The following CTCF variants were observed in gnomAD, a reference collection of about 807,000 sequenced individuals.
CTCF encodes the protein CCCTC-binding factor.
CTCF carries 7 observed loss-of-function variants against 72.3 expected under a neutral mutation model. That is an observed-to-expected ratio of 0.10 (90% CI 0.06 to 0.18). The LOEUF (loss-of-function observed/expected upper bound fraction) is 0.18, where lower values mean the gene tolerates loss of function less well. CTCF is among the 10% of genes least tolerant of loss of function. The pLI is 1.00. For synonymous variants in CTCF, 374 were observed against 315.8 expected (o/e 1.18, Z -1.95); for missense variants, 516 against 949.1 (o/e 0.54, Z 6.00).
At chr16:67,604,023 G>A (rs1489985172) in intron 2 of CTCF, among the ~76,000 whole-genome samples, 2 of 150,596 alleles carry the variant, frequency 1.3e-5, no homozygotes, top group African/African-American at 2.4e-5. Context: ...CCAGCTACTC[G>A]GGAGGCTGAG....
intron 1 of CTCF, among the ~76,000 whole-genome samples, chr16:67,567,016 A>AT (rs746516816): frequency 6.6e-6 from 1 of 151,466 alleles, no homozygotes; most frequent in Non-Finnish European, 1.5e-5. Context: ...GCTGGGACTA[A>AT]TTTTTTCTAG....
intron 2 of CTCF, among the ~76,000 whole-genome samples, chr16:67,576,646 C>T (rs550348865): frequency 1.9e-4 from 28 of 151,158 alleles, no homozygotes; most frequent in Non-Finnish European, 3.4e-4. Flanking sequence ...CTCCGCCTCC[C>T]GGCTTCACAC....
chr16:67,578,838 C>G (rs1219110452), intron 2 of CTCF, among the ~76,000 whole-genome samples: 1 of 151,248 alleles, frequency 6.6e-6, no homozygotes, highest in Non-Finnish European at 1.5e-5. Flanking sequence ...ATCTCAGCTA[C>G]TCAGGTGGCT....
chr16:67,597,115 C>T (rs149007371), intron 2 of CTCF, among the ~76,000 whole-genome samples: 1 of 152,080 alleles, frequency 6.6e-6, no homozygotes, highest in Admixed American at 6.6e-5. Context: ...CTCACTGCAG[C>T]CTCAACCTCC....
chr16:67,586,096 C>G (rs1318964031), intron 2 of CTCF, among the ~76,000 whole-genome samples: 1 of 152,134 alleles, frequency 6.6e-6, no homozygotes, highest in Non-Finnish European at 1.5e-5. Flanking sequence ...TTTTAATCAT[C>G]TTGGTTCAAA....
At chr16:67,619,046 A>G (rs959669060) in intron 5 of CTCF, among the ~76,000 whole-genome samples, 2 of 152,228 alleles carry the variant, frequency 1.3e-5, no homozygotes, top group Admixed American at 1.3e-4. Flanking sequence ...TACATATTGA[A>G]ATTAACAGGT....
At chr16:67,600,701 C>G (rs1370308654) in intron 2 of CTCF, among the ~76,000 whole-genome samples, 1 of 151,946 alleles carries the variant, frequency 6.6e-6, no homozygotes, top group Non-Finnish European at 1.5e-5. Context: ...TGAGATAGAG[C>G]AAAGCCATAT....
At chr16:67,630,586 C>G (rs564997129) in intron 10 of CTCF, among the ~76,000 whole-genome samples, 1 of 152,038 alleles carries the variant, frequency 6.6e-6, no homozygotes, top group Non-Finnish European at 1.5e-5. Flanking sequence ...AAAACCTTGT[C>G]TCTACAAAAA....
intron 6 of CTCF, 124 bp from the exon 7 acceptor site, chr16:67,621,318 C>G: frequency 1.4e-6 from 1 of 695,648 alleles, no homozygotes; most frequent in East Asian, 2.7e-5. Flanking sequence ...GGGACTGAGC[C>G]TCAGCCTTCC....
chr16:67,611,594 A>G lies in CTCF; in HGVS notation c.762A>G (p.Pro254=). Residue 254 remains proline, a synonymous_variant, in exon 3 of 12, where the codon CCA becomes CCG. Coordinates refer to ENST00000264010, the MANE Select transcript of CTCF (RefSeq NM_006565.4). Reference sequence around the variant, plus strand: ...TTGGTAATATGAAGCCTCCAAAGCCAACAAAAATTAAAAAGAAAGGTAAAA... The same window carrying G: ...TTGGTAATATGAAGCCTCCAAAGCCGACAAAAATTAAAAAGAAAGGTAAAA... The part of the protein sequence containing the change: ...KVVGNMKPPK[P]TKIKKKGVKK... 6.2e-7 allele frequency: 1 copy of G among 1,607,134 alleles called. No individual in the cohort carries two copies.
At chr16:67,632,573 ACTG>A (rs1186793913) in intron 10 of CTCF, among the ~76,000 whole-genome samples, 1 of 152,208 alleles carries the variant, frequency 6.6e-6, no homozygotes. Flanking sequence ...CAGATGGTCT[ACTG>A]CTGTTTTCAA....
chr16:67,606,516 C>T (rs746949790), intron 2 of CTCF, among the ~76,000 whole-genome samples: 6 of 152,154 alleles, frequency 3.9e-5, no homozygotes, highest in Admixed American at 6.5e-5. Context: ...TGAGCCACCA[C>T]GCCCGGCCCC....
At chr16:67,604,729 GGTTTTTTTTTTTTTTGTTTTTT>G (rs1405226462) in intron 2 of CTCF, among the ~76,000 whole-genome samples, 3 of 127,868 alleles carry the variant, frequency 2.3e-5, no homozygotes, top group Non-Finnish European at 4.7e-5. Context: ...ATTTCACCAG[GGTTTTTTTTTTTTTTGTTTTTT>G]GTTTTTTTTT....
At position 67,610,967 on chromosome 16, in the gene CTCF, G is replaced by T. The variant is rs754519452; in HGVS notation, c.135G>T (p.Thr45=). The change falls in exon 3 of 12, where the codon ACG becomes ACT. Residue 45 remains threonine (T), a synonymous_variant. Coordinates refer to ENST00000264010, the MANE Select transcript of CTCF (RefSeq NM_006565.4). ...EDACHLPQNQ[T]DGGEVVQDVN... ...CCTGCCACTTACCCCAGAACCAGAC[G>T]GATGGGGGTGAGGTGGTCCAGGATG... 2 of 1,594,970 alleles carry T rather than the reference G, an allele frequency of 1.3e-6. No homozygotes were observed. The highest frequency in any genetic ancestry group is 2.7e-5 in the African/African-American group (2 of 74,570).
intron 2 of CTCF, among the ~76,000 whole-genome samples, chr16:67,601,361 C>T (rs1412098804): frequency 6.3e-5 from 9 of 142,654 alleles, no homozygotes; most frequent in African/African-American, 2.1e-4. Context: ...TTTTTTAAGA[C>T]GGAGTCTCAC....
At chr16:67,590,526 A>G (rs538080215) in intron 2 of CTCF, among the ~76,000 whole-genome samples, 1 of 151,962 alleles carries the variant, frequency 6.6e-6, no homozygotes, top group East Asian at 2.0e-4. Context: ...TTTAGTAGAG[A>G]CAGGGTTTCA....
At chr16:67,628,270 C>T in intron 8 of CTCF, 100 bp from the exon 9 acceptor site, 2 of 1,055,412 alleles carry the variant, frequency 1.9e-6, no homozygotes, top group Non-Finnish European at 2.8e-6. Context: ...CTAGACCTAG[C>T]TTGGGTGAGA....
intron 1 of CTCF, among the ~76,000 whole-genome samples, chr16:67,566,872 G>T (rs2051349633): frequency 6.7e-6 from 1 of 150,160 alleles, no homozygotes; most frequent in Non-Finnish European, 1.5e-5. Context: ...TGCCCGGCCT[G>T]TGGGGTTTGT....
At chr16:67,565,876 G>T (rs991259675) in intron 1 of CTCF, among the ~76,000 whole-genome samples, 1 of 152,182 alleles carries the variant, frequency 6.6e-6, no homozygotes, top group Non-Finnish European at 1.5e-5. Context: ...CTTGGTGGAA[G>T]CCACTTGTGG....
Sources: allele counts gnomAD v4.1 joint callset (sites outside exome capture counted in the v4.1 genomes callset), GRCh38; gene constraint gnomAD v4.1.1; transcripts MANE v1.5; gene names NCBI Gene and HGNC (gene_info 2026-07-23, HGNC 2026-07-21).